MKNK1: variants seen among roughly 807,000 people sequenced by gnomAD.
MKNK1 encodes MAP kinase-interacting serine/threonine-protein kinase 1.
In MKNK1, 30 loss-of-function variants were observed where a neutral mutation model predicts 49.3. The observed-to-expected ratio is 0.61, with a 90% CI of 0.46 to 0.83. The LOEUF is 0.83. MKNK1 is among the 40% of genes least tolerant of loss of function. MKNK1 has a pLI of 0.00. For synonymous variants in MKNK1, 176 were observed against 201.7 expected, an observed-to-expected ratio of 0.87 and a Z score of 1.08; for missense variants, 423 against 524.7, an observed-to-expected ratio of 0.81 and a Z score of 1.89.
At chr1:46,581,508 CAAAAAAAAA>C (rs36099600) in intron 3 of MKNK1, among the ~76,000 whole-genome samples, 6 of 41,634 alleles carry the variant, frequency 1.4e-4, no homozygotes, top group African/African-American at 6.6e-4. Flanking sequence ...GACCCCATAT[CAAAAAAAAA>C]AAAAAAAAAA....
intron 10 of MKNK1, among the ~76,000 whole-genome samples, chr1:46,562,227 C>G (rs1336925057): frequency 6.6e-6 from 1 of 151,804 alleles, no homozygotes; most frequent in Non-Finnish European, 1.5e-5. Context: ...AACCCCGTCT[C>G]TACTGAAAAT....
chr1:46,558,468 A>T lies in MKNK1; in HGVS notation c.*107T>A, dbSNP rs1203079087. 1 of 1,141,686 alleles carries T rather than the reference A, an allele frequency of 8.8e-7. No individual in the cohort carries two copies. The highest frequency in any genetic ancestry group is 3.0e-5 in the Admixed American group (1 of 33,148). The allele number at this position is 1,141,686 out of a possible 1,614,324, so 70.7% of individuals were successfully genotyped here. A position where few individuals can be genotyped will look rare whatever the true frequency, so the allele number is the denominator to read the frequency against. ...TTCGTAGATGAAAAAGCCTGAATGGAGCCACAGAGCAGAGGCTGCTGCCTG... is the reference window on the plus strand; with the variant it reads ...TTCGTAGATGAAAAAGCCTGAATGGTGCCACAGAGCAGAGGCTGCTGCCTG... On this transcript the variant is annotated 3_prime_UTR_variant, in exon 13 of 13. Transcript: ENST00000371945.
chr1:46,575,068 T>G, intron 5 of MKNK1, 48 bp from the exon 6 acceptor site: 3 of 1,247,598 alleles, frequency 2.4e-6, no homozygotes, highest in Non-Finnish European at 3.5e-6. Flanking sequence ...GAAATGGTAT[T>G]ATATATTAAA....
chr1:46,560,349 G>T lies in MKNK1; in HGVS notation c.970-72C>A, dbSNP rs1667730058. 2.0e-6 allele frequency: 3 copies of T among 1,518,336 alleles called. No individual in the cohort carries two copies. In the South Asian group the frequency reaches 3.4e-5, roughly 17 times the overall value. 94.1% of individuals were successfully genotyped at this position (1,518,336 alleles called of 1,614,324 possible). ...TTCAAGAACTGCCCCACCCAAGCCA[G>T]CAGTGGGTAGGTTACTATAGGCTGC... On this transcript the variant is annotated intron_variant, in intron 11 of 12. Transcript: ENST00000371945.
At chr1:46,563,069 T>G (rs960289101) in intron 9 of MKNK1, 30 of 484,846 alleles carry the variant, frequency 6.2e-5, no homozygotes, top group South Asian at 5.4e-4. Flanking sequence ...CAGGTCACCT[T>G]ATCCTTCCAG....
At chr1:46,575,992 G>T (rs947042534) in intron 5 of MKNK1, 1 of 152,568 alleles carries the variant, frequency 6.6e-6, no homozygotes, top group Non-Finnish European at 1.5e-5. Flanking sequence ...ACCCTACCGT[G>T]GAGGGAGAGA....
Position 46,589,116 on chromosome 1 carries a change from G to GA in MKNK1, c.-3+4996dup, listed in dbSNP as rs1404488179. 6.6e-6 allele frequency among the ~76,000 whole-genome samples: 1 copy of GA among 152,240 alleles called. No homozygotes were observed. Among genetic ancestry groups the GA allele is most frequent in the African/African-American group, 2.4e-5 (1 of 41,466 alleles). ...TACTGATCGTCTGGTGCTAGACAGT[G>GA]AGAGTATAAGAGAAGACACAGTCTC... is the stretch of plus-strand genomic sequence containing the variant. On this transcript the variant is annotated intron_variant, in intron 2 of 12. Transcript: ENST00000371945. This position sits in a 1 kb window ranked among gnomAD's most constrained non-coding sequence, Gnocchi z 4.3.
Position 46,589,205 on chromosome 1 carries a change from G to A in MKNK1, c.-3+4908C>T, listed in dbSNP as rs1230096127. Among the ~76,000 whole-genome samples the A allele has an allele frequency of 3.0e-4, 45 of 152,254 alleles. 1 individual carries two copies. The highest frequency in any genetic ancestry group is 4.8e-5 in the African/African-American group (2 of 41,464). ...ACAATTTCAACATAGTAGGACAAGT[G>A]CTGGGACAGGGAGGTACCAGGTGCT... On this transcript the variant is annotated intron_variant, in intron 2 of 12. Coordinates refer to ENST00000371945, the MANE Select transcript of MKNK1 (RefSeq NM_001135553.4). The surrounding 1 kb of genome is among the most constrained non-coding windows in gnomAD (Gnocchi z 4.3).
At chr1:46,604,136 C>T (rs568520702) in intron 1 of MKNK1, 49 bp downstream of exon 1, 1 of 152,316 alleles carries the variant, frequency 6.6e-6, no homozygotes, top group Non-Finnish European at 1.5e-5. Flanking sequence ...CACTCACAGA[C>T]CCCGGCCCCA....
At chr1:46,586,441 G>A (rs2148720377) in intron 2 of MKNK1, among the ~76,000 whole-genome samples, 1 of 152,286 alleles carries the variant, frequency 6.6e-6, no homozygotes, top group South Asian at 2.1e-4. Flanking sequence ...CCTGCGAGAA[G>A]CTCCACGAGG....
intron 1 of MKNK1, among the ~76,000 whole-genome samples, chr1:46,596,835 T>G (rs1674127776): frequency 6.6e-6 from 1 of 152,192 alleles, no homozygotes; most frequent in African/African-American, 2.4e-5. Flanking sequence ...CCAGCCAATC[T>G]GTGAACCACA....
intron 5 of MKNK1, 71 bp downstream of exon 5, chr1:46,576,504 G>A: frequency 5.4e-6 from 7 of 1,301,730 alleles, no homozygotes. Context: ...TCAGGAGATG[G>A]TAAGAAATAG....
intron 8 of MKNK1, among the ~76,000 whole-genome samples, chr1:46,565,713 T>G (rs1013213840): frequency 2.0e-5 from 3 of 152,218 alleles, no homozygotes; most frequent in African/African-American, 7.2e-5. Flanking sequence ...AACTGGATGC[T>G]GTGCCTGAGA....
Position 46,568,425 on chromosome 1 carries a change from A to G in MKNK1, c.513+18T>C. 15 of 1,613,252 alleles carry G rather than the reference A, an allele frequency of 9.3e-6. No homozygotes were observed. The highest frequency in any genetic ancestry group is 1.3e-5 in the Non-Finnish European group (15 of 1,179,276). ...CGGTAAGTATAAACTATAACATTCC[A>G]AATCAGGCCCAAAGTACCTTTTCTG... On this transcript the variant is annotated intron_variant, in intron 8 of 12. Coordinates refer to ENST00000371945, the MANE Select transcript of MKNK1 (RefSeq NM_001135553.4).
chr1:46,592,965 G>A (rs879264355), intron 2 of MKNK1, among the ~76,000 whole-genome samples: 3 of 152,076 alleles, frequency 2.0e-5, no homozygotes, highest in Non-Finnish European at 2.9e-5. Flanking sequence ...TGGCACCACC[G>A]GGGACCTTCA....
At chr1:46,588,255 A>G (rs1672861019) in intron 2 of MKNK1, among the ~76,000 whole-genome samples, 1 of 152,200 alleles carries the variant, frequency 6.6e-6, no homozygotes, top group Non-Finnish European at 1.5e-5. Context: ...TATTCTCTAA[A>G]TTGTACACAA....
rs1217205121 is a variant in MKNK1, at chr1:46,564,044, C to CAAAAAAAA, written c.609+989_609+996dup. Among the ~76,000 whole-genome samples the CAAAAAAAA allele has an allele frequency of 4.1e-4, 16 of 39,086 alleles. 1 individual carries two copies. The highest frequency in any genetic ancestry group is 1.6e-3 in the South Asian group (1 of 640). 25.6% of individuals were successfully genotyped at this position (39,086 alleles called of 152,430 possible). A position where few individuals can be genotyped will look rare whatever the true frequency, so the allele number is the denominator to read the frequency against. ...TGGGCAACAGAGCAAGACTCTGTCT[C>CAAAAAAAA]AAAAAAAAAAAAAAAAAAAAAGGGT... On this transcript the variant is annotated intron_variant, in intron 9 of 12. Coordinates refer to ENST00000371945, the MANE Select transcript of MKNK1 (RefSeq NM_001135553.4).
intron 2 of MKNK1, 40 bp from the exon 3 acceptor site, chr1:46,583,369 C>A (rs1557872025): frequency 1.4e-6 from 2 of 1,457,458 alleles, no homozygotes; most frequent in Non-Finnish European, 1.9e-6. Flanking sequence ...CATCACTGTA[C>A]TGATCAAGCT....
intron 1 of MKNK1, among the ~76,000 whole-genome samples, chr1:46,600,762 AAC>A (rs1384670191): frequency 1.3e-5 from 2 of 152,232 alleles, no homozygotes; most frequent in Non-Finnish European, 2.9e-5. Flanking sequence ...TCCAAGCTAT[AAC>A]ACAGAGTTAA....
Sources: allele counts gnomAD v4.1 joint callset (sites outside exome capture counted in the v4.1 genomes callset), GRCh38; gene constraint gnomAD v4.1.1; non-coding constraint Gnocchi (gnomAD v3.1); transcripts MANE v1.5; gene names NCBI Gene and HGNC (gene_info 2026-07-23, HGNC 2026-07-21).